PCM1: variants seen among roughly 807,000 people sequenced by gnomAD.
PCM1 encodes pericentriolar material 1, also known as pericentriolar material 1 protein.
In PCM1, 157 loss-of-function variants were observed where a neutral mutation model predicts 241.9. The ratio of observed to expected loss-of-function variants is 0.65; its 90% CI spans 0.57 to 0.74. The LOEUF is 0.74. Ranked by LOEUF, PCM1 falls within the 30% of genes least tolerant of loss-of-function variation. The pLI is 0.00. For synonymous variants in PCM1, 1,085 were observed against 784.9 expected (o/e 1.38, Z -6.39); for missense variants, 3,478 against 2,360.1 (o/e 1.47, Z -9.81).
At chr8:17,962,522 A>G (rs146832098) in intron 16 of PCM1, among the ~76,000 whole-genome samples, 231 of 152,264 alleles carry the variant, frequency 1.5e-3, no homozygotes, top group African/African-American at 5.1e-3. Flanking sequence ...AGAAAGACCT[A>G]TCCTTTGACA....
chr8:17,947,869 T>C (rs373691617), intron 7 of PCM1, among the ~76,000 whole-genome samples: 13 of 152,206 alleles, frequency 8.5e-5, no homozygotes, highest in African/African-American at 2.7e-4. Context: ...ACTATATTTA[T>C]AGTGTATACA....
At chr8:17,963,360 G>A in intron 17 of PCM1, 69 bp downstream of exon 17, 2 of 1,148,030 alleles carry the variant, frequency 1.7e-6, no homozygotes, top group Non-Finnish European at 1.2e-6. Context: ...AGGCTAGGCA[G>A]CCACATTTCT....
At chr8:17,937,562 C>G (rs2129449553) in intron 4 of PCM1, among the ~76,000 whole-genome samples, 183 bp downstream of exon 4, 1 of 152,190 alleles carries the variant, frequency 6.6e-6, no homozygotes, top group African/African-American at 2.4e-5. Context: ...GAAATGAAGT[C>G]CCATTTCTAA....
Position 17,960,003 on chromosome 8 carries a change from T to C in PCM1, c.2041-11T>C, listed in dbSNP as rs2070908159. On this transcript the variant is annotated splice_polypyrimidine_tract_variant and intron_variant, in intron 13 of 38. Transcript: ENST00000325083. ...TATCAAGATTGTTTTAATGTAATGA[T>C]GCTCTTTCAGGATGATGATGCAGCT... 2 of 1,611,286 alleles carry C rather than the reference T, an allele frequency of 1.2e-6. No individual in the cohort carries two copies. Among genetic ancestry groups the C allele is most frequent in the Non-Finnish European group, 1.7e-6 (2 of 1,178,564 alleles).
chr8:18,025,439 A>G lies in PCM1; in HGVS notation c.5920A>G (p.Thr1974Ala), dbSNP rs370993186. The part of the protein sequence containing the change: ...VKVEDLPLKL[T>A]IYSEADLRKK... ...AGTTGAAGATTTACCACTGAAACTGACAATATATTCAGAGGTATTTAGCTG... is the reference window on the plus strand; with the variant it reads ...AGTTGAAGATTTACCACTGAAACTGGCAATATATTCAGAGGTATTTAGCTG... The change falls in exon 37 of 39, where the codon ACA becomes GCA. Residue 1974 changes from threonine (T) to alanine (A), a missense_variant. Coordinates refer to ENST00000325083, the MANE Select transcript of PCM1 (RefSeq NM_006197.4). 19 of 1,590,400 alleles carry G rather than the reference A, an allele frequency of 1.2e-5. No homozygotes were observed. In the African/African-American group the frequency reaches 1.5e-4, roughly 12 times the overall value.
At chr8:18,010,980 TAAA>T (rs921760334) in intron 32 of PCM1, among the ~76,000 whole-genome samples, 4 of 152,096 alleles carry the variant, frequency 2.6e-5, no homozygotes, top group Admixed American at 2.0e-4. Context: ...CTCAAAAAAA[TAAA>T]AAGCCTACAA....
intron 25 of PCM1, 145 bp downstream of exon 25, chr8:17,985,764 TG>T (rs2082371450): frequency 6.3e-6 from 5 of 799,690 alleles, no homozygotes; most frequent in South Asian, 6.2e-5. Context: ...TTAAAATTTT[TG>T]TATAGCTTAA....
chr8:17,923,517 G>T (rs918028333), intron 1 of PCM1, among the ~76,000 whole-genome samples: 1 of 152,198 alleles, frequency 6.6e-6, no homozygotes, highest in African/African-American at 2.4e-5. Flanking sequence ...ACCCCTTGCG[G>T]GCGGAGGAAG....
At chr8:17,948,903 G>C (rs1383229886) in intron 7 of PCM1, among the ~76,000 whole-genome samples, 1 of 152,098 alleles carries the variant, frequency 6.6e-6, no homozygotes, top group Non-Finnish European at 1.5e-5. Flanking sequence ...GATCATCAGA[G>C]ATTTCTAGGT....
intron 3 of PCM1, 135 bp from the exon 4 acceptor site, chr8:17,936,999 T>C (rs1375256546): frequency 3.3e-6 from 2 of 612,560 alleles, no homozygotes; most frequent in Admixed American, 3.4e-5. Flanking sequence ...TAAATATTTG[T>C]CTCTAGGAGT....
intron 21 of PCM1, among the ~76,000 whole-genome samples, chr8:17,968,139 A>G (rs2075600528): frequency 1.3e-5 from 2 of 152,212 alleles, no homozygotes; most frequent in Non-Finnish European, 1.5e-5. Context: ...AGGGCTTTCT[A>G]ATAGAACCAC....
intron 8 of PCM1, 42 bp from the exon 9 acceptor site, chr8:17,952,928 G>A (rs375741022): frequency 5.5e-5 from 65 of 1,192,060 alleles, no homozygotes; most frequent in African/African-American, 2.9e-4. Context: ...ATTTAATTGC[G>A]TTAGTCTTAA....
intron 35 of PCM1, 90 bp from the exon 36 acceptor site, chr8:18,014,494 C>T: frequency 7.9e-6 from 8 of 1,010,616 alleles, no homozygotes; most frequent in Non-Finnish European, 1.1e-5. Context: ...CTTGATTGCT[C>T]TTATTCAGGC....
At chr8:18,002,629 A>G (rs2090010578) in intron 29 of PCM1, among the ~76,000 whole-genome samples, 2 of 66,426 alleles carry the variant, frequency 3.0e-5, no homozygotes, top group Non-Finnish European at 5.4e-5. Flanking sequence ...TTCTAGTTCT[A>G]GATCCCTGAG....
intron 22 of PCM1, 125 bp from the exon 23 acceptor site, chr8:17,972,204 C>G: frequency 5.9e-6 from 3 of 511,504 alleles, no homozygotes; most frequent in Non-Finnish European, 1.0e-5. Flanking sequence ...TTTGTGAAAA[C>G]ATTTTTATAG....
At chr8:17,926,366 T>C (rs1206802532) in intron 2 of PCM1, 1 of 152,160 alleles carries the variant, frequency 6.6e-6, no homozygotes, top group East Asian at 1.9e-4. Flanking sequence ...CAACCAGAAA[T>C]ACCTATCAGT....
At chr8:17,939,917 T>A in intron 6 of PCM1, 56 bp downstream of exon 6, 3 of 1,161,498 alleles carry the variant, frequency 2.6e-6, no homozygotes, top group Non-Finnish European at 3.7e-6. Flanking sequence ...CAGTGTGTAT[T>A]TACTGATGAC....
chr8:18,020,390 C>T (rs1386280517), intron 36 of PCM1, among the ~76,000 whole-genome samples: 1 of 152,210 alleles, frequency 6.6e-6, no homozygotes, highest in Non-Finnish European at 1.5e-5. Flanking sequence ...TCATTACCTT[C>T]CAGTCAGATC....
intron 29 of PCM1, among the ~76,000 whole-genome samples, chr8:17,996,013 G>A (rs544122000): frequency 4.2e-4 from 64 of 152,118 alleles, no homozygotes; most frequent in East Asian, 2.5e-3. Flanking sequence ...TTTCCAGTTT[G>A]GATCCCCTCT....
Sources: allele counts gnomAD v4.1 joint callset (sites outside exome capture counted in the v4.1 genomes callset), GRCh38; gene constraint gnomAD v4.1.1; transcripts MANE v1.5; gene names NCBI Gene and HGNC (gene_info 2026-07-23, HGNC 2026-07-21).